RAI14: variants seen among roughly 807,000 people sequenced by gnomAD.
RAI14 encodes the protein retinoic acid induced 14, also known as ankycorbin.
Under a neutral mutation model 115.4 loss-of-function variants are expected in RAI14, and 45 were observed. That is an observed-to-expected ratio of 0.39 (90% CI 0.31 to 0.50). RAI14 has a LOEUF of 0.50. Among genes scored for constraint, RAI14 ranks in the 20% least tolerant of loss-of-function variants. The pLI, the probability that RAI14 is intolerant of heterozygous loss-of-function variation, is 0.85. For synonymous variants in RAI14, 371 were observed against 415.4 expected (o/e 0.89, Z 1.30); for missense variants, 939 against 1,131.2 (o/e 0.83, Z 2.44).
intron 2 of RAI14, among the ~76,000 whole-genome samples, chr5:34,710,656 G>C (rs1202197871): frequency 6.6e-6 from 1 of 152,144 alleles, no homozygotes; most frequent in Non-Finnish European, 1.5e-5. Context: ...TCCTCTCCTT[G>C]AAGATTCTGG....
Position 34,821,823 on chromosome 5 carries a change from C to T in RAI14, c.1086C>T (p.His362=). The T allele has an allele frequency of 6.3e-7, 1 of 1,593,636 alleles. No homozygotes were observed. The highest frequency in any genetic ancestry group is 8.6e-7 in the Non-Finnish European group (1 of 1,162,228). Residue 362 remains histidine (H), a synonymous_variant, in exon 14 of 18, where the codon CAC becomes CAT. Transcript: ENST00000265109. The stretch of plus-strand genomic sequence containing the variant: ...CAAAAGTTGCTTCCCTTACCTTACA[C>T]AATAAGGAGTTACAAGATAAATTAC... ...LQAKVASLTL[H]NKELQDKLQA...
chr5:34,675,385 A>G (rs1360052466), intron 1 of RAI14, among the ~76,000 whole-genome samples: 1 of 152,206 alleles, frequency 6.6e-6, no homozygotes. Context: ...ACTTCCTGTT[A>G]GCGTTCCCAG....
chr5:34,781,264 C>T (rs1751595526), intron 3 of RAI14, among the ~76,000 whole-genome samples: 1 of 151,550 alleles, frequency 6.6e-6, no homozygotes, highest in Admixed American at 6.6e-5. Flanking sequence ...GGCGATATAC[C>T]TAATGTAAAT....
Position 34,826,345 on chromosome 5 carries a change from A to G in RAI14, c.2665A>G (p.Lys889Glu). 6.2e-7 allele frequency: 1 copy of G among 1,613,948 alleles called. No individual in the cohort carries two copies. The highest frequency in any genetic ancestry group is 1.1e-5 in the South Asian group (1 of 91,024). Residue 889 changes from lysine to glutamate, a missense_variant, in exon 16 of 18, where the codon AAG becomes GAG. Physicochemically the swap from Lys to Glu is moderately conservative, Grantham distance 56. Transcript: ENST00000265109. ...DKDKKINEMSKEVTKLKEALN... is the reference protein window; with the variant it reads ...DKDKKINEMSEEVTKLKEALN... The stretch of plus-strand genomic sequence containing the variant: ...TTGCCCCTAGATAAATGAGATGTCG[A>G]AGGAAGTCACCAAATTGAAGGAGGC...
At chr5:34,711,442 G>C (rs1741389468) in intron 2 of RAI14, among the ~76,000 whole-genome samples, 1 of 152,076 alleles carries the variant, frequency 6.6e-6, no homozygotes, top group Non-Finnish European at 1.5e-5. Context: ...GTGAGGGTGG[G>C]GCAGAAACAA....
intron 16 of RAI14, 146 bp downstream of exon 16, chr5:34,826,625 C>A: frequency 1.8e-6 from 2 of 1,104,302 alleles, no homozygotes; most frequent in Non-Finnish European, 2.5e-6. Flanking sequence ...CTGATTTCTT[C>A]AGTGAGGGCA....
At chr5:34,700,944 G>A (rs1051485160) in intron 2 of RAI14, among the ~76,000 whole-genome samples, 11 of 152,210 alleles carry the variant, frequency 7.2e-5, no homozygotes, top group Admixed American at 5.2e-4. Flanking sequence ...TAACTGACTG[G>A]CATCTGTGTC....
chr5:34,803,609 A>G, intron 4 of RAI14, 103 bp from the exon 5 acceptor site: 1 of 972,758 alleles, frequency 1.0e-6, no homozygotes. Flanking sequence ...TTTTTTGGAT[A>G]ACAACCTATT....
intron 1 of RAI14, among the ~76,000 whole-genome samples, chr5:34,672,149 T>C (rs1579867615): frequency 6.6e-6 from 1 of 152,344 alleles, no homozygotes; most frequent in Non-Finnish European, 1.5e-5. Context: ...CATTAACCCA[T>C]GTGGACTTTT....
At chr5:34,801,611 C>T (rs929747868) in intron 4 of RAI14, among the ~76,000 whole-genome samples, 3 of 152,058 alleles carry the variant, frequency 2.0e-5, no homozygotes, top group African/African-American at 4.8e-5. Flanking sequence ...CCTGGTGGCA[C>T]GCACCTGTAA....
In RAI14 at chr5:34,781,702, A is replaced by G. The variant is rs539969708; in HGVS notation, c.168-14237A>G. Among the ~76,000 whole-genome samples, 352 of 152,358 alleles carry G rather than the reference A, an allele frequency of 2.3e-3. 1 individual carries two copies. Among genetic ancestry groups the G allele is most frequent in the Middle Eastern group, 6.8e-3 (2 of 294 alleles). ...GGTTAGCAGTTCATCAGAAAGTTCA[A>G]CGTAGTTGCCATATGACTGAGCAAT... On this transcript the variant is annotated intron_variant, in intron 3 of 17. Transcript: ENST00000265109.
intron 3 of RAI14, among the ~76,000 whole-genome samples, chr5:34,777,868 GT>G (rs1751072028): frequency 7.7e-6 from 1 of 129,680 alleles, no homozygotes; most frequent in African/African-American, 2.5e-5. Context: ...TGTGTGGTGT[GT>G]GTGGGGGGGG....
chr5:34,790,484 CTCTT>C (rs1752791786), intron 3 of RAI14, among the ~76,000 whole-genome samples: 1 of 152,112 alleles, frequency 6.6e-6, no homozygotes, highest in Non-Finnish European at 1.5e-5. Context: ...ATTGAGCAAA[CTCTT>C]TCAGGTTATA....
intron 2 of RAI14, among the ~76,000 whole-genome samples, chr5:34,698,842 G>T (rs1739673646): frequency 6.6e-6 from 1 of 152,154 alleles, no homozygotes; most frequent in Non-Finnish European, 1.5e-5. Context: ...ACCAGAAAAG[G>T]GGGCCAGGAC....
At chr5:34,670,423 G>A (rs977579201) in intron 1 of RAI14, among the ~76,000 whole-genome samples, 2 of 152,094 alleles carry the variant, frequency 1.3e-5, no homozygotes, top group Non-Finnish European at 2.9e-5. Flanking sequence ...ATTCTGAAGT[G>A]CTTGTGGGCA....
chr5:34,737,630 G>T (rs906297479), intron 2 of RAI14, among the ~76,000 whole-genome samples: 3 of 151,850 alleles, frequency 2.0e-5, no homozygotes, highest in African/African-American at 2.4e-5. Context: ...ATGGTGGCTT[G>T]CACCTGTAGT....
At chr5:34,753,781 GCA>G (rs1280358845) in intron 2 of RAI14, among the ~76,000 whole-genome samples, 1 of 152,138 alleles carries the variant, frequency 6.6e-6, no homozygotes, top group African/African-American at 2.4e-5. Context: ...GGGCGTGGTG[GCA>G]TGTGCCTGTA....
At chr5:34,699,868 T>C (rs1396391362) in intron 2 of RAI14, among the ~76,000 whole-genome samples, 3 of 152,112 alleles carry the variant, frequency 2.0e-5, no homozygotes, top group African/African-American at 7.2e-5. Flanking sequence ...CATTCCAATT[T>C]CCAGTGGAAA....
At position 34,796,134 on chromosome 5, in the gene RAI14, C is replaced by T. The variant is rs987091021; in HGVS notation, c.256+107C>T. ...TTTAAGGCCAGGTGTGGTAACTCAT[C>T]CTGTAATTACAGCACTCTGCGAGGG... On this transcript the variant is annotated intron_variant, in intron 4 of 17. Transcript: ENST00000265109. 8 of 853,338 alleles carry T rather than the reference C, an allele frequency of 9.4e-6. No individual in the cohort carries two copies. The African/African-American group carries it at 1.3e-4, about 14-fold the overall frequency. The allele number at this position is 853,338 out of a possible 1,614,324, so 52.9% of individuals were successfully genotyped here.
Sources: allele counts gnomAD v4.1 joint callset (sites outside exome capture counted in the v4.1 genomes callset), GRCh38; gene constraint gnomAD v4.1.1; transcripts MANE v1.5; gene names NCBI Gene and HGNC (gene_info 2026-07-23, HGNC 2026-07-21).